Variants in CYP20A1 observed in about 807,000 individuals in gnomAD.
CYP20A1 encodes cytochrome P450 family 20 subfamily A member 1, also known as cytochrome P450 20A1.
CYP20A1 carries 61 observed loss-of-function variants against 61.4 expected under a neutral mutation model. The ratio of observed to expected loss-of-function variants is 0.99; its 90% confidence interval spans 0.81 to 1.23. CYP20A1 has a LOEUF of 1.23. Ranked by LOEUF, CYP20A1 falls within the 50% of genes most tolerant of loss-of-function variation. CYP20A1 has a pLI of 0.00. For synonymous variants in CYP20A1, 193 were observed against 188.2 expected, an observed-to-expected ratio of 1.03 and a Z score of -0.21; for missense variants, 530 against 542.4, an observed-to-expected ratio of 0.98 and a Z score of 0.23.
At chr2:203,284,181 G>C (rs773048412) in intron 8 of CYP20A1, among the ~76,000 whole-genome samples, 10 of 152,122 alleles carry the variant, frequency 6.6e-5, no homozygotes, top group Non-Finnish European at 1.2e-4. Flanking sequence ...GTAATAAGGT[G>C]AATCAGGCAA....
intron 9 of CYP20A1, among the ~76,000 whole-genome samples, chr2:203,288,358 G>A (rs1034414926): frequency 6.6e-6 from 1 of 151,874 alleles, no homozygotes; most frequent in Non-Finnish European, 1.5e-5. Flanking sequence ...GTGCCACCAC[G>A]CCCAGCCCAG....
At chr2:203,251,847 T>C (rs1383184484) in intron 3 of CYP20A1, 120 bp from the exon 4 acceptor site, 11 of 357,586 alleles carry the variant, frequency 3.1e-5, no homozygotes, top group South Asian at 1.2e-4. Flanking sequence ...AAGGGAATTA[T>C]GAAAAACAGT....
chr2:203,297,222 A>G lies in CYP20A1; in HGVS notation c.*314A>G. The G allele has an allele frequency of 5.2e-6, 1 of 190,544 alleles. No homozygotes were observed. Among genetic ancestry groups the G allele is most frequent in the Non-Finnish European group, 1.1e-5 (1 of 92,630 alleles). The allele number at this position is 190,544 out of a possible 1,614,324, so 11.8% of individuals were successfully genotyped here. On this transcript the variant is annotated 3_prime_UTR_variant, in exon 13 of 13. Transcript: ENST00000356079. Reference sequence around the variant, plus strand: ...TGAGCTCTAAAATCAATGTTCTTGAAAAAGAAATTATTTTGCAGAAGTTGG... The same window carrying G: ...TGAGCTCTAAAATCAATGTTCTTGAGAAAGAAATTATTTTGCAGAAGTTGG...
intron 5 of CYP20A1, among the ~76,000 whole-genome samples, chr2:203,270,795 C>A (rs2067531851): frequency 6.8e-6 from 1 of 146,876 alleles, no homozygotes; most frequent in African/African-American, 2.5e-5. Flanking sequence ...CCTTCACCTC[C>A]CAGACTCAAG....
In CYP20A1 at chr2:203,304,863, G is replaced by A. The variant is rs536410006; in HGVS notation, c.*7955G>A. Among the ~76,000 whole-genome samples the A allele has an allele frequency of 6.6e-6, 1 of 152,268 alleles. No homozygotes were observed. Among genetic ancestry groups the A allele is most frequent in the Non-Finnish European group, 1.5e-5 (1 of 68,026 alleles). ...AGGTGGGAGGATTGCTTGAGCCCAG[G>A]AGGTAGAGGTTGCAGTGAGCCATGA... On this transcript the variant is annotated 3_prime_UTR_variant, in exon 13 of 13. Transcript: ENST00000356079.
At position 203,268,349 on chromosome 2, in the gene CYP20A1, A is replaced by G. The variant is rs533894893; in HGVS notation, c.600+1668A>G. 4.7e-4 allele frequency among the ~76,000 whole-genome samples: 71 copies of G among 152,308 alleles called. No individual in the cohort carries two copies. In the South Asian group the frequency reaches 0.015, roughly 32 times the overall value. ...ATTCATGATCACTCAGTACTTGTAG[A>G]TATCAGATCTCTTTAATCTGGAACA... On this transcript the variant is annotated intron_variant, in intron 5 of 12. Transcript: ENST00000356079.
Position 203,293,214 on chromosome 2 carries a change from C to CTTTTTTTTTTTTTTTTTTT in CYP20A1, c.1148+889_1148+890insTTTTTTTTTTTTTTTTTTT, listed in dbSNP as rs575058733. ...ATTTTTAAAAAAGCAGAATTTCTCT[C>CTTTTTTTTTTTTTTTTTTT]TCTTTTTTTTTTTTTTTTTGAGATG... On this transcript the variant is annotated intron_variant, in intron 11 of 12. Coordinates refer to ENST00000356079, the MANE Select transcript of CYP20A1 (RefSeq NM_177538.3). Among the ~76,000 whole-genome samples the CTTTTTTTTTTTTTTTTTTT allele has an allele frequency of 1.6e-5, 2 of 128,910 alleles. 1 individual carries two copies. The allele number at this position is 128,910 out of a possible 152,430, so 84.6% of individuals were successfully genotyped here.
At chr2:203,296,666 G>A (rs749903167) in intron 12 of CYP20A1, 92 bp from the exon 13 acceptor site, 7 of 1,420,864 alleles carry the variant, frequency 4.9e-6, no homozygotes, top group Non-Finnish European at 6.7e-6. Flanking sequence ...TATTATTATT[G>A]TACTTTAAGT....
intron 8 of CYP20A1, among the ~76,000 whole-genome samples, chr2:203,283,922 A>C (rs1222631072): frequency 1.3e-5 from 2 of 151,988 alleles, no homozygotes. Context: ...CTTTGTGGTG[A>C]CTCCTTCAGT....
At chr2:203,257,022 G>GT (rs1374469095) in intron 4 of CYP20A1, among the ~76,000 whole-genome samples, 1 of 150,020 alleles carries the variant, frequency 6.7e-6, no homozygotes, top group Non-Finnish European at 1.5e-5. Flanking sequence ...ATTTTTTTTT[G>GT]TTTTTTATTA....
intron 4 of CYP20A1, among the ~76,000 whole-genome samples, chr2:203,256,618 C>G (rs1371296936): frequency 6.6e-6 from 1 of 152,164 alleles, no homozygotes; most frequent in Non-Finnish European, 1.5e-5. Flanking sequence ...CTCAGCCTCC[C>G]AAAGTGCTGG....
chr2:203,244,925 G>C (rs1337190716), intron 1 of CYP20A1, among the ~76,000 whole-genome samples: 1 of 151,642 alleles, frequency 6.6e-6, no homozygotes, highest in Non-Finnish European at 1.5e-5. Context: ...GTAGAGACGG[G>C]GTTTCACCGT....
intron 1 of CYP20A1, among the ~76,000 whole-genome samples, chr2:203,241,603 T>A (rs1361243284): frequency 6.6e-6 from 1 of 152,218 alleles, no homozygotes; most frequent in Non-Finnish European, 1.5e-5. Flanking sequence ...ATCAGCTAAG[T>A]CAAATGCTGC....
intron 4 of CYP20A1, among the ~76,000 whole-genome samples, chr2:203,263,509 C>T (rs545320765): frequency 2.0e-5 from 3 of 151,442 alleles, no homozygotes; most frequent in African/African-American, 7.3e-5. Flanking sequence ...AGGATGGCCT[C>T]GATGTCCTGA....
Position 203,296,884 on chromosome 2 carries a change from G to T in CYP20A1, c.1365G>T (p.Trp455Cys). The T allele has an allele frequency of 6.3e-7, 1 of 1,596,058 alleles. No homozygotes were observed. Among genetic ancestry groups the T allele is most frequent in the South Asian group, 1.1e-5 (1 of 87,630 alleles). Residue 455 changes from tryptophan (W) to cysteine (C), a missense_variant, in exon 13 of 13, where the codon TGG (tryptophan) becomes TGT (cysteine). Coordinates refer to ENST00000356079, the MANE Select transcript of CYP20A1 (RefSeq NM_177538.3). The stretch of plus-strand genomic sequence containing the variant: ...TAACATCATCAAGGGAAGAAGCTTG[G>T]ATCACTGTCTCAAAGAGATATTAAA... ...ELVTSSREEA[W>C]ITVSKRY is the part of the protein sequence containing the mutation.
chr2:203,268,645 C>T (rs2067432357), intron 5 of CYP20A1, among the ~76,000 whole-genome samples: 1 of 151,700 alleles, frequency 6.6e-6, no homozygotes, highest in Non-Finnish European at 1.5e-5. Flanking sequence ...AGCCTTGCCA[C>T]CAGAGTGGCC....
intron 4 of CYP20A1, among the ~76,000 whole-genome samples, chr2:203,257,649 C>T (rs1427317381): frequency 6.6e-6 from 1 of 151,632 alleles, no homozygotes; most frequent in Non-Finnish European, 1.5e-5. Flanking sequence ...ATTAGCTGGG[C>T]GTGGTGGCAG....
chr2:203,248,376 A>C (rs558916385), intron 3 of CYP20A1, among the ~76,000 whole-genome samples: 6 of 152,174 alleles, frequency 3.9e-5, no homozygotes, highest in Non-Finnish European at 7.3e-5. Context: ...GCTACTAAAA[A>C]TACAAAAATT....
chr2:203,281,325 A>G (rs1408173065), intron 8 of CYP20A1, among the ~76,000 whole-genome samples: 1 of 152,120 alleles, frequency 6.6e-6, no homozygotes, highest in East Asian at 1.9e-4. Flanking sequence ...TGGGCAACAC[A>G]GCGGAAACCC....
Sources: gnomAD v4.1 joint callset for allele counts (sites outside exome capture counted in the v4.1 genomes callset) on GRCh38, gnomAD v4.1.1 for gene constraint, MANE v1.5 for transcripts, NCBI Gene and HGNC (gene_info 2026-07-23, HGNC 2026-07-21) for gene names.